The following IL1RAPL2 variants were observed in gnomAD, a reference collection of about 807,000 sequenced individuals.
The protein encoded by IL1RAPL2 is X-linked interleukin-1 receptor accessory protein-like 2.
A neutral mutation model predicts 44.1 loss-of-function variants in IL1RAPL2; 3 were observed. The ratio of observed to expected loss-of-function variants is 0.07; its 90% CI spans 0.03 to 0.18. The LOEUF is 0.18. Among genes scored for constraint, IL1RAPL2 ranks in the 10% least tolerant of loss-of-function variants. The probability of loss-of-function intolerance (pLI) is 1.00; values close to 1 mark genes in which losing one functional copy is unlikely to be tolerated. For missense variants in IL1RAPL2, 391 were observed against 496.4 expected, an observed-to-expected ratio of 0.79 and a Z score of 2.02; for synonymous variants, 181 against 178.8, an observed-to-expected ratio of 1.01 and a Z score of -0.10.
intron 2 of IL1RAPL2, among the ~76,000 whole-genome samples, chrX:104,893,765 G>T (rs928943198): frequency 1.3e-4 from 15 of 111,472 alleles, no homozygotes; most frequent in African/African-American, 4.6e-4. Flanking sequence ...GTCTTTTAAT[G>T]GGAGCATTTA....
intron 2 of IL1RAPL2, among the ~76,000 whole-genome samples, chrX:104,790,960 C>T (rs1379961069): frequency 1.8e-5 from 2 of 111,702 alleles, no homozygotes; most frequent in East Asian, 5.6e-4. Flanking sequence ...ACGTGCCAGT[C>T]ACTGCTCTAA....
chrX:104,582,610 T>C (rs949733956), intron 1 of IL1RAPL2, among the ~76,000 whole-genome samples: 124 of 39,997 alleles, frequency 3.1e-3, no homozygotes, highest in African/African-American at 0.01. Flanking sequence ...CTTTCTTTCT[T>C]TCTTTCTTTC....
At chrX:105,705,102 C>T (rs1026455021) in intron 6 of IL1RAPL2, among the ~76,000 whole-genome samples, 1 of 109,736 alleles carries the variant, frequency 9.1e-6, no homozygotes, top group Non-Finnish European at 1.9e-5. Flanking sequence ...TGCACACATA[C>T]ACTATGTAAG....
intron 3 of IL1RAPL2, among the ~76,000 whole-genome samples, chrX:105,211,983 C>T (rs1556158553): frequency 8.9e-6 from 1 of 112,299 alleles, no homozygotes; most frequent in African/African-American, 3.2e-5. Flanking sequence ...CAGGAGATTT[C>T]CCTTGTGTGC....
At chrX:104,822,292 C>A in intron 2 of IL1RAPL2, among the ~76,000 whole-genome samples, 1 of 111,954 alleles carries the variant, frequency 8.9e-6, no homozygotes, top group South Asian at 3.7e-4. Flanking sequence ...GTTGCAATTG[C>A]TTTTGGTATT....
intron 2 of IL1RAPL2, among the ~76,000 whole-genome samples, chrX:104,820,890 ACT>A (rs1921284590): frequency 8.9e-6 from 1 of 112,292 alleles, no homozygotes. Flanking sequence ...ACACTGTGAT[ACT>A]CTCATATGTT....
chrX:105,456,728 CA>C (rs2036057430), intron 5 of IL1RAPL2, among the ~76,000 whole-genome samples: 1 of 111,137 alleles, frequency 9.0e-6, no homozygotes, highest in Admixed American at 9.6e-5. Context: ...TCTTTAGCTA[CA>C]TCCCATCTAT....
chrX:105,363,228 A>T (rs1298327211), intron 5 of IL1RAPL2, among the ~76,000 whole-genome samples: 25 of 99,079 alleles, frequency 2.5e-4, no homozygotes, highest in Admixed American at 4.5e-4. Flanking sequence ...GTATTGCATT[A>T]TGTATATGTG....
rs781973376 is a variant in IL1RAPL2, at chrX:105,219,525, G to T, written c.357-14293G>T. On this transcript the variant is annotated intron_variant, in intron 3 of 10. Transcript: ENST00000372582. ...CCCTGGCCTCCACGTGGGGGAACTG[G>T]GTCTCCATGGGGGCAGCCCCAGCCT... is the stretch of plus-strand genomic sequence containing the variant. 14 of 1,206,882 alleles carry T rather than the reference G, an allele frequency of 1.2e-5. No individual in the cohort carries two copies. The African/African-American group carries it at 1.9e-4, about 17-fold the overall frequency.
chrX:105,383,097 T>A (rs1215970307), intron 5 of IL1RAPL2, among the ~76,000 whole-genome samples: 1 of 109,342 alleles, frequency 9.1e-6, no homozygotes, highest in Non-Finnish European at 1.9e-5. Flanking sequence ...TGTGCACATG[T>A]ACCCTTAAAC....
At chrX:105,520,055 G>T (rs182544065) in intron 6 of IL1RAPL2, among the ~76,000 whole-genome samples, 1 of 111,874 alleles carries the variant, frequency 8.9e-6, no homozygotes, top group African/African-American at 3.2e-5. Flanking sequence ...TAGCTGTTCT[G>T]ATGACTGCCC....
chrX:105,031,543 C>T (rs1291847398), intron 2 of IL1RAPL2, among the ~76,000 whole-genome samples: 1 of 111,922 alleles, frequency 8.9e-6, no homozygotes, highest in Non-Finnish European at 1.9e-5. Flanking sequence ...TGCTGGATTA[C>T]ATTTATTGAT....
chrX:104,726,914 A>T (rs745801294), intron 2 of IL1RAPL2, among the ~76,000 whole-genome samples: 2 of 109,038 alleles, frequency 1.8e-5, no homozygotes, highest in African/African-American at 6.7e-5. Flanking sequence ...CTTTATATGG[A>T]TTTTCTATCT....
chrX:105,235,099 C>T (rs2034108940), intron 4 of IL1RAPL2, among the ~76,000 whole-genome samples: 1 of 111,533 alleles, frequency 9.0e-6, no homozygotes, highest in South Asian at 3.8e-4. Context: ...CCCTCTCCTG[C>T]CACCCTCATT....
At position 104,597,363 on chromosome X, in the gene IL1RAPL2, A is replaced by G. The variant is rs546580366; in HGVS notation, c.-20+30312A>G. ...CCATCTCTTAAAAAAAAAAAAAAAA[A>G]AGAGAGAGACATGATAAAGTGTATT... On this transcript the variant is annotated intron_variant, in intron 1 of 10. Coordinates refer to ENST00000372582, the MANE Select transcript of IL1RAPL2 (RefSeq NM_017416.2). Among the ~76,000 whole-genome samples, 10 of 105,836 alleles carry G rather than the reference A, an allele frequency of 9.4e-5. No homozygotes were observed. The South Asian group carries it at 1.6e-3, about 17-fold the overall frequency. The allele number at this position is 105,836 out of a possible 115,157, so 91.9% of individuals were successfully genotyped here. A position where few individuals can be genotyped will look rare whatever the true frequency, so the allele number is the denominator to read the frequency against.
intron 10 of IL1RAPL2, among the ~76,000 whole-genome samples, chrX:105,760,642 A>T (rs1266325072): frequency 8.9e-6 from 1 of 112,174 alleles, no homozygotes; most frequent in Non-Finnish European, 1.9e-5. Context: ...CATTACTAGC[A>T]ATATAGCCTC....
At chrX:105,426,422 T>C (rs1021706709) in intron 5 of IL1RAPL2, among the ~76,000 whole-genome samples, 13 of 110,859 alleles carry the variant, frequency 1.2e-4, no homozygotes, top group Admixed American at 5.8e-4. Flanking sequence ...CTTGGCAACT[T>C]CTCATCTTTC....
At chrX:104,603,796 T>C (rs982088896) in intron 1 of IL1RAPL2, among the ~76,000 whole-genome samples, 1 of 111,885 alleles carries the variant, frequency 8.9e-6, no homozygotes, top group African/African-American at 3.3e-5. Flanking sequence ...CAAATAAATA[T>C]GGGACTATGT....
chrX:105,104,382 A>G (rs1204886885), intron 2 of IL1RAPL2, among the ~76,000 whole-genome samples: 1 of 111,860 alleles, frequency 8.9e-6, no homozygotes, highest in Non-Finnish European at 1.9e-5. Flanking sequence ...TGTTGGCAGG[A>G]AGGTATAAGA....
Sources: gnomAD v4.1 joint callset for allele counts (sites outside exome capture counted in the v4.1 genomes callset) on GRCh38, gnomAD v4.1.1 for gene constraint, MANE v1.5 for transcripts, NCBI Gene and HGNC (gene_info 2026-07-23, HGNC 2026-07-21) for gene names.